The following SSBP1 variants were observed in gnomAD, a reference collection of about 807,000 sequenced individuals.
SSBP1 encodes single-stranded DNA-binding protein, mitochondrial.
A neutral mutation model predicts 27.0 loss-of-function variants in SSBP1; 20 were observed. The ratio of observed to expected loss-of-function variants is 0.74; its 90% CI spans 0.52 to 1.08. The LOEUF is 1.08. Among genes scored for constraint, SSBP1 ranks in the 50% least tolerant of loss-of-function variants. SSBP1 has a pLI of 0.00. For synonymous variants in SSBP1, 59 were observed against 59.3 expected (o/e 1.00, Z 0.02); for missense variants, 137 against 182.4 (o/e 0.75, Z 1.44).
intron 3 of SSBP1, among the ~76,000 whole-genome samples, chr7:141,742,457 C>T (rs891951488): frequency 4.6e-5 from 7 of 152,154 alleles, no homozygotes; most frequent in Non-Finnish European, 1.0e-4. Context: ...TCAACACTGT[C>T]CTGCATAAGA....
chr7:141,748,893 A>G (rs1799874617), intron 6 of SSBP1, among the ~76,000 whole-genome samples: 1 of 152,208 alleles, frequency 6.6e-6, no homozygotes, highest in South Asian at 2.1e-4. Context: ...TAATTCGAGT[A>G]GTTTGTTCTG....
chr7:141,745,716 C>T (rs1211745877), intron 6 of SSBP1, 132 bp downstream of exon 6: 2 of 1,413,080 alleles, frequency 1.4e-6, no homozygotes, highest in African/African-American at 2.9e-5. Context: ...AGAAGATGTC[C>T]ATAACTCTTA....
intron 4 of SSBP1, 75 bp from the exon 5 acceptor site, chr7:141,743,827 G>T: frequency 6.4e-7 from 1 of 1,556,408 alleles, no homozygotes; most frequent in Non-Finnish European, 8.7e-7. Flanking sequence ...TGTTCTCTTA[G>T]AAATCGTGAC....
intron 1 of SSBP1, 59 bp from the exon 2 acceptor site, chr7:141,739,065 G>A (rs1193779057): frequency 3.1e-6 from 3 of 978,240 alleles, no homozygotes; most frequent in African/African-American, 3.3e-5. Context: ...TAGGACTGGT[G>A]AGTTGTACTT....
At chr7:141,745,952 A>G in intron 6 of SSBP1, 1 of 1,008,792 alleles carries the variant, frequency 9.9e-7, no homozygotes. Context: ...CACTAATGTG[A>G]GTGTGCAGAT....
In SSBP1 at chr7:141,750,399, C is replaced by T; in HGVS notation, c.*45C>T. 6 of 1,477,506 alleles carry T rather than the reference C, an allele frequency of 4.1e-6. No homozygotes were observed. The highest frequency in any genetic ancestry group is 5.5e-6 in the Non-Finnish European group (6 of 1,087,776). 91.5% of individuals were successfully genotyped at this position (1,477,506 alleles called of 1,614,324 possible). A position where few individuals can be genotyped will look rare whatever the true frequency, so the allele number is the denominator to read the frequency against. On this transcript the variant is annotated 3_prime_UTR_variant, in exon 7 of 7. Coordinates refer to ENST00000265304, the MANE Select transcript of SSBP1 (RefSeq NM_003143.3). ...GCCATCATTTGGTACAGTCTCATTT[C>T]CAAGTCATGTATAATCTTTATGGCT...
intron 2 of SSBP1, chr7:141,739,864 G>C (rs1167430869): frequency 1.3e-5 from 2 of 151,956 alleles, no homozygotes; most frequent in African/African-American, 2.4e-5. Context: ...TATATTCTTG[G>C]ATCCCCACTT....
intron 4 of SSBP1, 24 bp downstream of exon 4, chr7:141,743,725 T>A (rs1204586096): frequency 1.2e-6 from 2 of 1,608,974 alleles, no homozygotes; most frequent in African/African-American, 2.7e-5. Context: ...ACTGGGGTTT[T>A]AATTTTATCA....
chr7:141,742,269 T>C, intron 3 of SSBP1, 40 bp downstream of exon 3: 1 of 1,493,276 alleles, frequency 6.7e-7, no homozygotes, highest in Non-Finnish European at 9.3e-7. Flanking sequence ...TTATTTTTAG[T>C]AATTTGCCAA....
chr7:141,744,518 A>C (rs1320679184), intron 5 of SSBP1, among the ~76,000 whole-genome samples: 1 of 152,234 alleles, frequency 6.6e-6, no homozygotes, highest in African/African-American at 2.4e-5. Context: ...AGTATGTATA[A>C]AAAGTATGTT....
intron 6 of SSBP1, among the ~76,000 whole-genome samples, chr7:141,748,911 C>T (rs1047415813): frequency 3.9e-5 from 6 of 152,078 alleles, no homozygotes; most frequent in East Asian, 1.9e-4. Context: ...CTGAAGTAAC[C>T]GTTCTGGACC....
Position 141,743,557 on chromosome 7 carries a change from T to C in SSBP1, c.86-4T>C. ...TCTCATTTGGTCTTGATGTTGTGTT[T>C]CAGCCCTGAATCGTGTGCACTTACT... On this transcript the variant is annotated splice_polypyrimidine_tract_variant and splice_region_variant and intron_variant, in intron 3 of 6. Transcript: ENST00000265304. 2 of 1,613,636 alleles carry C rather than the reference T, an allele frequency of 1.2e-6. No individual in the cohort carries two copies. The highest frequency in any genetic ancestry group is 1.7e-6 in the Non-Finnish European group (2 of 1,179,712).
At chr7:141,747,839 A>G (rs1002523201) in intron 6 of SSBP1, among the ~76,000 whole-genome samples, 2 of 151,348 alleles carry the variant, frequency 1.3e-5, no homozygotes, top group African/African-American at 4.8e-5. Context: ...CTCTACACAA[A>G]ATGCAAAAAG....
At chr7:141,746,894 C>T (rs1236283279) in intron 6 of SSBP1, among the ~76,000 whole-genome samples, 1 of 152,060 alleles carries the variant, frequency 6.6e-6, no homozygotes, top group East Asian at 1.9e-4. Context: ...TACCTACTAT[C>T]CTGTAAAAAA....
intron 2 of SSBP1, chr7:141,741,044 G>A (rs1435735846): frequency 6.6e-6 from 1 of 152,178 alleles, no homozygotes; most frequent in Non-Finnish European, 1.5e-5. Flanking sequence ...AGAATGTATT[G>A]TTTTGTTGGA....
At chr7:141,742,011 T>A (rs1359377337) in intron 2 of SSBP1, among the ~76,000 whole-genome samples, 158 bp from the exon 3 acceptor site, 1 of 152,222 alleles carries the variant, frequency 6.6e-6, no homozygotes, top group Non-Finnish European at 1.5e-5. Context: ...GCCGGGGCCT[T>A]CTGGCACTCT....
chr7:141,743,718 G>T lies in SSBP1; in HGVS notation c.226+17G>T. The T allele has an allele frequency of 6.2e-7, 1 of 1,610,234 alleles. No individual in the cohort carries two copies. The highest frequency in any genetic ancestry group is 8.5e-7 in the Non-Finnish European group (1 of 1,178,296). On this transcript the variant is annotated intron_variant, in intron 4 of 6. Coordinates refer to ENST00000265304, the MANE Select transcript of SSBP1 (RefSeq NM_003143.3). ...ACCAACTGGGTGAGTACAAAAGACT[G>T]GGGTTTTAATTTTATCAGCAATAAA...
intron 2 of SSBP1, chr7:141,740,129 A>G (rs920052147): frequency 1.3e-5 from 2 of 152,172 alleles, no homozygotes; most frequent in African/African-American, 4.8e-5. Context: ...TGAGCACTCA[A>G]ATGACATTTC....
intron 6 of SSBP1, among the ~76,000 whole-genome samples, 160 bp from the exon 7 acceptor site, chr7:141,750,136 TTATGCCAACTGTATA>T (rs1799910728): frequency 1.3e-5 from 2 of 152,358 alleles, no homozygotes; most frequent in Admixed American, 1.3e-4. Flanking sequence ...GTAGCTCCAC[TTATGCCAACTGTATA>T]TATACCTCTC....
Sources: allele counts gnomAD v4.1 joint callset (sites outside exome capture counted in the v4.1 genomes callset), GRCh38; gene constraint gnomAD v4.1.1; transcripts MANE v1.5; gene names NCBI Gene and HGNC (gene_info 2026-07-23, HGNC 2026-07-21).